The following IPO5 variants were observed in gnomAD, a reference collection of about 807,000 sequenced individuals.
IPO5 encodes the protein importin 5.
In IPO5, 18 loss-of-function variants were observed where a neutral mutation model predicts 143.3. The observed-to-expected ratio is 0.13, with a 90% CI of 0.09 to 0.19. The LOEUF (loss-of-function observed/expected upper bound fraction) is 0.19, where lower values mean the gene tolerates loss of function less well. Among genes scored for constraint, IPO5 ranks in the 10% least tolerant of loss-of-function variants. The pLI, the probability that IPO5 is intolerant of heterozygous loss-of-function variation, is 1.00. For missense variants in IPO5, 1,013 were observed against 1,336.9 expected, an observed-to-expected ratio of 0.76 and a Z score of 3.78; for synonymous variants, 477 against 465.7, an observed-to-expected ratio of 1.02 and a Z score of -0.31.
chr13:98,010,333 T>C (rs1889592650), intron 20 of IPO5, 109 bp downstream of exon 20: 2 of 972,828 alleles, frequency 2.1e-6, no homozygotes, highest in African/African-American at 3.3e-5. Context: ...CAGTAATATG[T>C]TCCTTAAAAA....
intron 3 of IPO5, 47 bp downstream of exon 3, chr13:97,969,877 T>C: frequency 6.8e-7 from 1 of 1,469,780 alleles, no homozygotes; most frequent in Non-Finnish European, 9.5e-7. Flanking sequence ...TTTGTTTTTT[T>C]TAAAAGAGAC....
chr13:97,995,966 A>T (rs575895627), intron 11 of IPO5, among the ~76,000 whole-genome samples: 1 of 152,330 alleles, frequency 6.6e-6, no homozygotes, highest in African/African-American at 2.4e-5. Context: ...TTTTTTGACC[A>T]ATCAGATACA....
intron 3 of IPO5, among the ~76,000 whole-genome samples, chr13:97,973,395 G>A (rs1289135034): frequency 6.6e-6 from 1 of 152,176 alleles, no homozygotes; most frequent in Non-Finnish European, 1.5e-5. Context: ...TAAGGACACT[G>A]TCTATGGGAA....
chr13:97,992,812 C>A, intron 9 of IPO5, 80 bp from the exon 10 acceptor site: 1 of 1,370,358 alleles, frequency 7.3e-7, no homozygotes. Flanking sequence ...TCTCTATTGT[C>A]AGCATCTTAG....
In IPO5 at chr13:98,002,448, C is replaced by G. The variant is rs757806598; in HGVS notation, c.1109-19C>G. Reference sequence around the variant, plus strand: ...TTATAGTGTGTAATTGCTATTCCATCTGTAATTTTTTTCGGTAGCTGACTG... The same window carrying G: ...TTATAGTGTGTAATTGCTATTCCATGTGTAATTTTTTTCGGTAGCTGACTG... On this transcript the variant is annotated intron_variant, in intron 13 of 28. Transcript: ENST00000651721. The G allele has an allele frequency of 1.2e-6, 2 of 1,612,102 alleles. No homozygotes were observed. Among genetic ancestry groups the G allele is most frequent in the South Asian group, 1.1e-5 (1 of 90,868 alleles).
At chr13:97,989,194 A>T (rs1219487414) in intron 7 of IPO5, 30 bp downstream of exon 7, 2 of 1,231,512 alleles carry the variant, frequency 1.6e-6, no homozygotes, top group Non-Finnish European at 2.4e-6. Flanking sequence ...TTTTTGAGAC[A>T]TTTGATTTAA....
chr13:97,967,825 GT>G (rs1484572954), intron 2 of IPO5, among the ~76,000 whole-genome samples: 1 of 152,210 alleles, frequency 6.6e-6, no homozygotes, highest in East Asian at 1.9e-4. Flanking sequence ...CAGAGACGGC[GT>G]TTCACCATGT....
intron 13 of IPO5, chr13:98,001,576 C>G (rs1463395084): frequency 6.6e-6 from 1 of 152,262 alleles, no homozygotes; most frequent in Non-Finnish European, 1.5e-5. Context: ...CTCCCAGTTT[C>G]AAGCAATTCT....
At position 98,020,899 on chromosome 13, in the gene IPO5, T is replaced by G. The variant is rs965122876; in HGVS notation, c.3066-93T>G. On this transcript the variant is annotated intron_variant, in intron 27 of 28. Transcript: ENST00000651721. Reference sequence around the variant, plus strand: ...ATATAAGATTGGCTGGTTTTCTTCCTACTGAATTTAAAAGGCCATTGATTT... The same window carrying G: ...ATATAAGATTGGCTGGTTTTCTTCCGACTGAATTTAAAAGGCCATTGATTT... 5 of 974,930 alleles carry G rather than the reference T, an allele frequency of 5.1e-6. No homozygotes were observed. In the African/African-American group the frequency reaches 8.4e-5, roughly 16 times the overall value. 60.4% of individuals were successfully genotyped at this position (974,930 alleles called of 1,614,324 possible).
chr13:97,980,689 C>T (rs760498519), intron 4 of IPO5, among the ~76,000 whole-genome samples: 13 of 151,902 alleles, frequency 8.6e-5, no homozygotes, highest in Non-Finnish European at 1.3e-4. Flanking sequence ...TAGCCGGGCG[C>T]GGTGGCAGGC....
At position 98,010,018 on chromosome 13, in the gene IPO5, G is replaced by T; in HGVS notation, c.1933+5G>T. 1.2e-6 allele frequency: 2 copies of T among 1,613,978 alleles called. No homozygotes were observed. Among genetic ancestry groups the T allele is most frequent in the Non-Finnish European group, 8.5e-7 (1 of 1,179,966 alleles). On this transcript the variant is annotated splice_donor_5th_base_variant and intron_variant, in intron 19 of 28. Transcript: ENST00000651721. ...CCGAAGTAGCCCTTTTAGATAGTAG[G>T]TGTCTTTAGAAGGAGCTATCGGTTA...
At chr13:98,015,697 T>C (rs1314787308) in intron 23 of IPO5, 29 bp from the exon 24 acceptor site, 1 of 1,597,584 alleles carries the variant, frequency 6.3e-7, no homozygotes, top group Admixed American at 1.7e-5. Flanking sequence ...TTGGCAATCA[T>C]TTAAAACATT....
chr13:97,962,940 G>T (rs1302887242), intron 2 of IPO5, among the ~76,000 whole-genome samples: 2 of 152,188 alleles, frequency 1.3e-5, no homozygotes, highest in Admixed American at 1.3e-4. Context: ...TTGAGTTGAT[G>T]TTGTAGTCTT....
chr13:98,003,517 G>A (rs1466115331), intron 16 of IPO5, among the ~76,000 whole-genome samples: 1 of 152,132 alleles, frequency 6.6e-6, no homozygotes, highest in Non-Finnish European at 1.5e-5. Context: ...GACATTTCAT[G>A]GGAAGCATTA....
intron 11 of IPO5, among the ~76,000 whole-genome samples, chr13:97,996,659 G>A (rs1216716749): frequency 1.3e-5 from 2 of 152,104 alleles, no homozygotes; most frequent in Non-Finnish European, 2.9e-5. Flanking sequence ...CTGGAGTGCA[G>A]TGGTGTGATC....
chr13:97,960,501 C>G (rs1884776643), intron 2 of IPO5: 1 of 151,452 alleles, frequency 6.6e-6, no homozygotes, highest in African/African-American at 2.4e-5. Context: ...AATATAATAG[C>G]TTTATTGAGA....
chr13:97,998,064 C>T (rs1002456038), intron 12 of IPO5, among the ~76,000 whole-genome samples: 11 of 152,220 alleles, frequency 7.2e-5, no homozygotes, highest in African/African-American at 2.7e-4. Flanking sequence ...CAAGCTCCGC[C>T]TCCGGGGTTC....
intron 11 of IPO5, among the ~76,000 whole-genome samples, chr13:97,993,589 C>T (rs1887977116): frequency 6.6e-6 from 1 of 152,306 alleles, no homozygotes; most frequent in South Asian, 2.1e-4. Flanking sequence ...GTCTTGCTTA[C>T]CAGTGAAGCC....
In IPO5 at chr13:98,011,656, G is replaced by A. The variant is rs12323168; in HGVS notation, c.2056-590G>A. Among the ~76,000 whole-genome samples, 414 of 151,784 alleles carry A rather than the reference G, an allele frequency of 2.7e-3. 4 individuals carry two copies. Among genetic ancestry groups the A allele is most frequent in the African/African-American group, 9.4e-3 (387 of 41,350 alleles). On this transcript the variant is annotated intron_variant, in intron 20 of 28. Coordinates refer to ENST00000651721, the MANE Select transcript of IPO5 (RefSeq NM_002271.6). ...CAAGTACCTGGCATTACAGGTGCCC[G>A]CCACCATGCCTGGCTAATTTTTGTA...
Sources: gnomAD v4.1 joint callset for allele counts (sites outside exome capture counted in the v4.1 genomes callset) on GRCh38, gnomAD v4.1.1 for gene constraint, MANE v1.5 for transcripts, NCBI Gene and HGNC (gene_info 2026-07-23, HGNC 2026-07-21) for gene names.